NFATC1: variants seen among roughly 807,000 people sequenced by gnomAD.
The protein encoded by NFATC1 is nuclear factor of activated T-cells, cytoplasmic 1.
In NFATC1, 22 loss-of-function variants were observed where a neutral mutation model predicts 76.0. The ratio of observed to expected loss-of-function variants is 0.29; its 90% CI spans 0.21 to 0.41. The LOEUF is 0.41. Ranked by LOEUF, NFATC1 falls within the 10% of genes least tolerant of loss-of-function variation. The pLI is 1.00. For missense variants in NFATC1, 1,357 were observed against 1,337.7 expected (o/e 1.01, Z -0.23); for synonymous variants, 704 against 613.1 (o/e 1.15, Z -2.19).
intron 9 of NFATC1, among the ~76,000 whole-genome samples, chr18:79,521,950 T>TAGA (rs2090605829): frequency 2.9e-5 from 3 of 103,950 alleles, no homozygotes; most frequent in African/African-American, 4.0e-5. Flanking sequence ...GTTTTGTGTG[T>TAGA]GGGAGGTTGT....
At chr18:79,436,724 G>A in intron 3 of NFATC1, among the ~76,000 whole-genome samples, 1 of 152,156 alleles carries the variant, frequency 6.6e-6, no homozygotes, top group Non-Finnish European at 1.5e-5. Context: ...TGGGTGCTGA[G>A]GGGCGTGAGG....
intron 9 of NFATC1, among the ~76,000 whole-genome samples, chr18:79,512,024 G>C (rs1660137): frequency 6.6e-6 from 1 of 151,966 alleles, no homozygotes; most frequent in Non-Finnish European, 1.5e-5. Context: ...GCGGGAGCAC[G>C]CGGGGCACAG....
intron 2 of NFATC1, among the ~76,000 whole-genome samples, chr18:79,432,308 G>A (rs886963111): frequency 3.9e-4 from 23 of 59,122 alleles, no homozygotes; most frequent in East Asian, 1.0e-3. Flanking sequence ...CCCGGCCCAC[G>A]GTGCTCGGGG....
At chr18:79,411,564 G>A (rs2085686211) in intron 2 of NFATC1, 63 bp downstream of exon 2, 17 of 1,237,672 alleles carry the variant, frequency 1.4e-5, no homozygotes, top group African/African-American at 6.4e-5. Context: ...GGCGGAACGC[G>A]GGGAGCGGGA....
intron 2 of NFATC1, among the ~76,000 whole-genome samples, chr18:79,416,696 A>G (rs375102061): frequency 1.2e-4 from 19 of 152,260 alleles, no homozygotes; most frequent in African/African-American, 4.1e-4. Context: ...ACGGCTCAGG[A>G]CTGACTGCCA....
At chr18:79,489,108 C>T (rs1166833032) in intron 9 of NFATC1, among the ~76,000 whole-genome samples, 2 of 152,248 alleles carry the variant, frequency 1.3e-5, no homozygotes, top group Non-Finnish European at 2.9e-5. Flanking sequence ...GGCCCGGGCC[C>T]CTCTGGCCTT....
Position 79,410,393 on chromosome 18 carries a change from T to C in NFATC1, c.128-10T>C. 1 of 1,592,514 alleles carries C rather than the reference T, an allele frequency of 6.3e-7. No homozygotes were observed. The highest frequency in any genetic ancestry group is 8.6e-7 in the Non-Finnish European group (1 of 1,168,888). On this transcript the variant is annotated splice_polypyrimidine_tract_variant and intron_variant, in intron 1 of 9. Transcript: ENST00000427363. The surrounding 1 kb of genome is among the most constrained non-coding windows in gnomAD (Gnocchi z 6.7). ...CCCTCATGCTCCCATCTGCTTCTTT[T>C]TCTCTCTAGAACACTATGGCTATGC...
intron 8 of NFATC1, among the ~76,000 whole-genome samples, chr18:79,484,601 G>A (rs898233879): frequency 3.9e-5 from 6 of 152,200 alleles, no homozygotes; most frequent in Non-Finnish European, 5.9e-5. Context: ...ATGATAGAAA[G>A]ATTTGAATGA....
At chr18:79,491,159 T>C (rs1427206673) in intron 9 of NFATC1, among the ~76,000 whole-genome samples, 1 of 152,076 alleles carries the variant, frequency 6.6e-6, no homozygotes, top group Admixed American at 6.5e-5. Context: ...ATATATTTTG[T>C]CTAATTTCAC....
rs1202371398 is a variant in NFATC1 at position 79,465,918 on chromosome 18, G to A, written c.1960-1532G>A. Among the ~76,000 whole-genome samples the A allele has an allele frequency of 1.3e-5, 2 of 152,260 alleles. No individual in the cohort carries two copies. The highest frequency in any genetic ancestry group is 4.8e-5 in the African/African-American group (2 of 41,476). On this transcript the variant is annotated intron_variant, in intron 7 of 9. Coordinates refer to ENST00000427363, the MANE Select transcript of NFATC1 (RefSeq NM_001278669.2). This position sits in a 1 kb window ranked among gnomAD's most constrained non-coding sequence, Gnocchi z 4.2. ...CACTGACAGCACTCATGGCCCCTCC[G>A]GCGGCAGCTTCAGCTCCCCTGGGGC...
Position 79,487,767 on chromosome 18 carries a change from G to A in NFATC1, c.2782+830G>A, listed in dbSNP as rs964854428. On this transcript the variant is annotated intron_variant, in intron 9 of 9. Coordinates refer to ENST00000427363, the MANE Select transcript of NFATC1 (RefSeq NM_001278669.2). ...GTGCCCGTGGCCCTGGTGACCACGC[G>A]TTAGAGGGTGATTCCGCTCGTGTTT... Among the ~76,000 whole-genome samples the A allele has an allele frequency of 5.3e-5, 8 of 152,194 alleles. No individual in the cohort carries two copies. The East Asian group carries it at 5.8e-4, about 11-fold the overall frequency.
At chr18:79,461,270 A>C in intron 6 of NFATC1, 41 bp from the exon 7 acceptor site, 1 of 1,611,428 alleles carries the variant, frequency 6.2e-7, no homozygotes, top group Non-Finnish European at 8.5e-7. Flanking sequence ...GGGGCTCCCC[A>C]CCACACAGAG....
chr18:79,418,281 C>T (rs1036943445), intron 2 of NFATC1, among the ~76,000 whole-genome samples: 31 of 152,180 alleles, frequency 2.0e-4, no homozygotes, highest in Non-Finnish European at 4.6e-4. Context: ...AGGCGCTTAA[C>T]GGCCACCCGA....
rs2145241019 is a variant in NFATC1 at position 79,524,529 on chromosome 18, C to A, written c.2783-2999C>A. ...CCACGCGTCCCTGCAGCGTCTGAGACCTTGTGGAACACACTTGACCCGGCG... is the reference window on the plus strand; with the variant it reads ...CCACGCGTCCCTGCAGCGTCTGAGAACTTGTGGAACACACTTGACCCGGCG... On this transcript the variant is annotated intron_variant, in intron 9 of 9. Transcript: ENST00000427363. This position sits in a 1 kb window ranked among gnomAD's most constrained non-coding sequence, Gnocchi z 7.2. 1.3e-5 allele frequency among the ~76,000 whole-genome samples: 2 copies of A among 152,324 alleles called. No individual in the cohort carries two copies. The highest frequency in any genetic ancestry group is 4.8e-5 in the African/African-American group (2 of 41,572).
Position 79,527,623 on chromosome 18 carries a change from G to A in NFATC1, c.*46G>A, listed in dbSNP as rs765981151. ...GTTCAGCAGGGGTATGCTGACTTCA[G>A]CAGACAAAGACTTTTGAATAAATAA... is the stretch of plus-strand genomic sequence containing the variant. On this transcript the variant is annotated 3_prime_UTR_variant, in exon 10 of 10. Coordinates refer to ENST00000427363, the MANE Select transcript of NFATC1 (RefSeq NM_001278669.2). The A allele has an allele frequency of 2.6e-6, 4 of 1,560,462 alleles. No homozygotes were observed. Among genetic ancestry groups the A allele is most frequent in the Non-Finnish European group, 3.5e-6 (4 of 1,132,550 alleles).
At chr18:79,463,845 C>G (rs997638397) in intron 7 of NFATC1, among the ~76,000 whole-genome samples, 1 of 152,196 alleles carries the variant, frequency 6.6e-6, no homozygotes, top group Non-Finnish European at 1.5e-5. Context: ...TGCAGGATGC[C>G]GGAGCTGGGC....
chr18:79,404,642 C>T (rs1038986770), intron 1 of NFATC1, among the ~76,000 whole-genome samples: 2 of 152,218 alleles, frequency 1.3e-5, no homozygotes, highest in South Asian at 2.1e-4. Flanking sequence ...TGAAAAATAA[C>T]GTCGTCTGTG....
Position 79,486,382 on chromosome 18 carries a change from T to C in NFATC1, c.2227T>C (p.Cys743Arg). 1 of 1,612,974 alleles carries C rather than the reference T, an allele frequency of 6.2e-7. No homozygotes were observed. Among genetic ancestry groups the C allele is most frequent in the Non-Finnish European group, 8.5e-7 (1 of 1,179,984 alleles). Residue 743 changes from cysteine (C) to arginine (R), a missense_variant, in exon 9 of 10, where the codon TGC (cysteine) becomes CGC (arginine). By Grantham distance (180) the Cys-to-Arg change is radical. This residue lies in a region of NFATC1 where 424 missense variants were observed against 395.4 expected (regional missense o/e 1.07). Coordinates refer to ENST00000427363, the MANE Select transcript of NFATC1 (RefSeq NM_001278669.2). The stretch of plus-strand genomic sequence containing the variant: ...CGCGATGCCACCCGACCCCAGCTCC[T>C]GCCTCGTGGCCGGCTTCCCGCCCTG... Reference protein sequence around the residue: ...QLAMPPDPSSCLVAGFPPCPQ... With the variant: ...QLAMPPDPSSRLVAGFPPCPQ...
Position 79,482,684 on chromosome 18 carries a change from A to C in NFATC1, c.2093-3564A>C, listed in dbSNP as rs566001952. On this transcript the variant is annotated intron_variant, in intron 8 of 9. Transcript: ENST00000427363. ...CCAGCGTGACCTGGTCCTGGGGTGT[A>C]ATTCCAGCATGACCTGGTTCCTGGG... 4.7e-3 allele frequency among the ~76,000 whole-genome samples: 378 copies of C among 80,226 alleles called. 4 individuals are homozygous for C. Among genetic ancestry groups the C allele is most frequent in the African/African-American group, 0.015 (313 of 20,222 alleles). The allele number at this position is 80,226 out of a possible 152,430, so 52.6% of individuals were successfully genotyped here.
Sources: gnomAD v4.1 joint callset for allele counts (sites outside exome capture counted in the v4.1 genomes callset) on GRCh38, gnomAD v4.1.1 for gene constraint, gnomAD v4.1.1 regional missense constraint, Gnocchi (gnomAD v3.1) non-coding constraint, MANE v1.5 for transcripts, NCBI Gene and HGNC (gene_info 2026-07-23, HGNC 2026-07-21) for gene names.